The following ERI3 variants were observed in gnomAD, a reference collection of about 807,000 sequenced individuals.
ERI3 encodes ERI1 exoribonuclease 3.
In ERI3, 18 loss-of-function variants were observed where a neutral mutation model predicts 44.4. The ratio of observed to expected loss-of-function variants is 0.41; its 90% confidence interval spans 0.28 to 0.60. The LOEUF is 0.60. ERI3 is among the 20% of genes least tolerant of loss of function. The probability of loss-of-function intolerance (pLI) is 0.36; values close to 1 mark genes in which losing one functional copy is unlikely to be tolerated. For missense variants in ERI3, 294 were observed against 435.5 expected (o/e 0.68, Z 2.89); for synonymous variants, 183 against 164.8 (o/e 1.11, Z -0.84).
chr1:44,229,208 A>G (rs1243676063), intron 8 of ERI3, among the ~76,000 whole-genome samples: 1 of 152,184 alleles, frequency 6.6e-6, no homozygotes, highest in Non-Finnish European at 1.5e-5. Flanking sequence ...GATCAGGGAA[A>G]GCAGGCAAGA....
At chr1:44,303,137 C>T (rs770001994) in intron 6 of ERI3, among the ~76,000 whole-genome samples, 2 of 152,188 alleles carry the variant, frequency 1.3e-5, no homozygotes, top group South Asian at 2.1e-4. Flanking sequence ...GAAAGCATTT[C>T]GCACTGCTCC....
intron 3 of ERI3, among the ~76,000 whole-genome samples, chr1:44,328,310 CCT>C (rs1414593413): frequency 6.7e-5 from 10 of 148,262 alleles, no homozygotes; most frequent in Non-Finnish European, 1.2e-4. Context: ...GAATCACTCC[CCT>C]GTTTTGCAGA....
intron 6 of ERI3, among the ~76,000 whole-genome samples, chr1:44,302,670 C>T (rs1645751215): frequency 6.6e-6 from 1 of 152,224 alleles, no homozygotes; most frequent in Non-Finnish European, 1.5e-5. Context: ...GTCCACACCT[C>T]TACCGATATC....
At chr1:44,310,975 A>G (rs375220154) in intron 5 of ERI3, among the ~76,000 whole-genome samples, 30,037 of 108,136 alleles carry the variant, frequency 0.28, 3,893 homozygotes, top group East Asian at 0.3. Flanking sequence ...ACACACACAC[A>G]CACACACACA....
At position 44,339,380 on chromosome 1, in the gene ERI3, AAG is replaced by A. The variant is rs1304777360; in HGVS notation, c.212-60_212-59del. ...AAAAGAAAAGAAAGAAAAAAAAAAA[AAG>A]AACAGAGAGCCTGGGTTACTCCCTC... On this transcript the variant is annotated intron_variant, in intron 2 of 8. Transcript: ENST00000372257. 5.5e-6 allele frequency: 8 copies of A among 1,458,988 alleles called. No individual in the cohort carries two copies. The African/African-American group carries it at 1.0e-4, about 18-fold the overall frequency. 90.4% of individuals were successfully genotyped at this position (1,458,988 alleles called of 1,614,324 possible).
At chr1:44,253,906 C>T (rs1427241331) in intron 7 of ERI3, among the ~76,000 whole-genome samples, 1 of 152,210 alleles carries the variant, frequency 6.6e-6, no homozygotes, top group Non-Finnish European at 1.5e-5. Flanking sequence ...GCCAGAACCA[C>T]ATTACCTATC....
intron 6 of ERI3, among the ~76,000 whole-genome samples, chr1:44,289,514 G>C (rs1645460021): frequency 6.6e-6 from 1 of 152,196 alleles, no homozygotes; most frequent in African/African-American, 2.4e-5. Context: ...TAACAGAAAA[G>C]AAAGCAAAGA....
intron 8 of ERI3, among the ~76,000 whole-genome samples, chr1:44,247,391 G>A (rs1484028294): frequency 6.6e-6 from 1 of 152,154 alleles, no homozygotes; most frequent in South Asian, 2.1e-4. Context: ...GGTACCCCAA[G>A]TGGACCCCCT....
chr1:44,352,751 A>G lies in ERI3; in HGVS notation c.211+99T>C, dbSNP rs1646921239. The G allele has an allele frequency of 3.7e-6, 5 of 1,354,184 alleles. No individual in the cohort carries two copies. The East Asian group carries it at 7.0e-5, about 19-fold the overall frequency. The allele number at this position is 1,354,184 out of a possible 1,614,324, so 83.9% of individuals were successfully genotyped here. A position where few individuals can be genotyped will look rare whatever the true frequency, so the allele number is the denominator to read the frequency against. On this transcript the variant is annotated intron_variant, in intron 2 of 8. Transcript: ENST00000372257. Reference sequence around the variant, plus strand: ...GTTTAGACTTTGGGGATACATGGGAAAAAAAATACAATCTGCATCAGCCCC... The same window carrying G: ...GTTTAGACTTTGGGGATACATGGGAGAAAAAATACAATCTGCATCAGCCCC...
chr1:44,352,947 T>C, intron 1 of ERI3, 22 bp from the exon 2 acceptor site: 9 of 1,613,868 alleles, frequency 5.6e-6, no homozygotes, highest in Non-Finnish European at 7.6e-6. Context: ...TACACATCTC[T>C]GCAACAAGTC....
intron 7 of ERI3, among the ~76,000 whole-genome samples, chr1:44,281,601 A>AATATATATATAT (rs1553189558): frequency 2.0e-4 from 25 of 128,036 alleles, no homozygotes; most frequent in South Asian, 2.4e-4. Context: ...AAAAAAAAAA[A>AATATATATATAT]ATATATATAT....
At chr1:44,314,721 G>C (rs1646048563) in intron 4 of ERI3, among the ~76,000 whole-genome samples, 1 of 152,150 alleles carries the variant, frequency 6.6e-6, no homozygotes, top group South Asian at 2.1e-4. Flanking sequence ...GGAGTACAAA[G>C]GACTCCTCCT....
intron 3 of ERI3, among the ~76,000 whole-genome samples, chr1:44,320,221 T>C (rs991541856): frequency 1.3e-5 from 2 of 152,160 alleles, no homozygotes; most frequent in Non-Finnish European, 2.9e-5. Flanking sequence ...TAGTTCTTAT[T>C]TTTCAAAAAA....
At chr1:44,295,098 G>A (rs996840655) in intron 6 of ERI3, among the ~76,000 whole-genome samples, 3 of 152,112 alleles carry the variant, frequency 2.0e-5, no homozygotes, top group African/African-American at 7.2e-5. Flanking sequence ...ACTTCTGGGC[G>A]GGCATTAGAA....
In ERI3 at chr1:44,322,681, C is replaced by T. The variant is rs138609433; in HGVS notation, c.490-2937G>A. 72 of 1,510,862 alleles carry T rather than the reference C, an allele frequency of 4.8e-5. No homozygotes were observed. The African/African-American group carries it at 8.7e-4, about 18-fold the overall frequency. 93.6% of individuals were successfully genotyped at this position (1,510,862 alleles called of 1,614,324 possible). A position where few individuals can be genotyped will look rare whatever the true frequency, so the allele number is the denominator to read the frequency against. Reference sequence around the variant, plus strand: ...AGAGAAGCTTCTGAGAAAAGACTCTCTGAGAAATTAGAGCAGCAAGGACCT... The same window carrying T: ...AGAGAAGCTTCTGAGAAAAGACTCTTTGAGAAATTAGAGCAGCAAGGACCT... On this transcript the variant is annotated intron_variant, in intron 3 of 8. Coordinates refer to ENST00000372257, the MANE Select transcript of ERI3 (RefSeq NM_024066.3).
At chr1:44,322,083 T>C (rs1283437050) in intron 3 of ERI3, among the ~76,000 whole-genome samples, 2 of 152,108 alleles carry the variant, frequency 1.3e-5, no homozygotes, top group Non-Finnish European at 2.9e-5. Context: ...TACAAGCACA[T>C]GGTTTGTTTT....
intron 1 of ERI3, 148 bp downstream of exon 1, chr1:44,354,744 C>T: frequency 4.8e-6 from 6 of 1,250,274 alleles, no homozygotes; most frequent in Non-Finnish European, 6.1e-6. Context: ...TCCCCCTCCG[C>T]CAGAACATTA....
In ERI3 at chr1:44,354,942, G is replaced by C; in HGVS notation, c.85C>G (p.Leu29Val). The C allele has an allele frequency of 7.5e-7, 1 of 1,337,072 alleles. No homozygotes were observed. Among genetic ancestry groups the C allele is most frequent in the Non-Finnish European group, 9.6e-7 (1 of 1,036,308 alleles). The allele number at this position is 1,337,072 out of a possible 1,614,324, so 82.8% of individuals were successfully genotyped here. The stretch of plus-strand genomic sequence containing the variant: ...CCCATCCAAGTCCAGGGGAGAGTAA[G>C]GGGAGGGGCGGGGGGCCAGGAGACC... ...GLVSWPPAPP[L>V]TLPWTWMGPS... The change falls in exon 1 of 9, where the codon CTT becomes GTT. Residue 29 changes from leucine to valine, a missense_variant. By Grantham distance (32) the Leu-to-Val change is conservative. Coordinates refer to ENST00000372257, the MANE Select transcript of ERI3 (RefSeq NM_024066.3).
chr1:44,324,894 A>G (rs982794416), intron 3 of ERI3, among the ~76,000 whole-genome samples: 5 of 152,306 alleles, frequency 3.3e-5, no homozygotes, highest in African/African-American at 1.2e-4. Flanking sequence ...TAAGAACAAA[A>G]GCCTCAGAAT....
Sources: gnomAD v4.1 joint callset for allele counts (sites outside exome capture counted in the v4.1 genomes callset) on GRCh38, gnomAD v4.1.1 for gene constraint, MANE v1.5 for transcripts, NCBI Gene and HGNC (gene_info 2026-07-23, HGNC 2026-07-21) for gene names.